The following EYS variants were observed in gnomAD, a reference collection of about 807,000 sequenced individuals.
EYS encodes the protein EGF-like photoreceptor maintenance factor, also known as protein eyes shut homolog.
EYS carries 250 observed loss-of-function variants against 282.1 expected under a neutral mutation model. That is an observed-to-expected ratio of 0.89 (90% CI 0.80 to 0.98). The LOEUF (loss-of-function observed/expected upper bound fraction) is 0.98, where lower values mean the gene tolerates loss of function less well. EYS is among the 50% of genes least tolerant of loss of function. EYS has a pLI of 0.00. For missense variants in EYS, 4,016 were observed against 3,709.0 expected, an observed-to-expected ratio of 1.08 and a Z score of -2.15; for synonymous variants, 1,355 against 1,282.9, an observed-to-expected ratio of 1.06 and a Z score of -1.20.
At chr6:65,480,073 G>A (rs982034366) in intron 5 of EYS, among the ~76,000 whole-genome samples, 28 of 152,176 alleles carry the variant, frequency 1.8e-4, no homozygotes, top group African/African-American at 6.3e-4. Context: ...GCTGAGGCAG[G>A]AGAATCGCTT....
At chr6:64,059,719 T>C (rs539579156) in intron 33 of EYS, among the ~76,000 whole-genome samples, 4 of 152,318 alleles carry the variant, frequency 2.6e-5, no homozygotes, top group African/African-American at 9.6e-5. Context: ...AAAGAAATTT[T>C]AGTTTTACAG....
At chr6:64,832,889 G>A (rs186147465) in intron 19 of EYS, among the ~76,000 whole-genome samples, 1 of 151,996 alleles carries the variant, frequency 6.6e-6, no homozygotes, top group Admixed American at 6.6e-5. Context: ...TGCAATCTAA[G>A]TATTTCAAAG....
At chr6:64,992,559 G>A (rs966141536) in intron 14 of EYS, among the ~76,000 whole-genome samples, 1 of 151,846 alleles carries the variant, frequency 6.6e-6, no homozygotes, top group Non-Finnish European at 1.5e-5. Context: ...TTTCAGGATG[G>A]ATTAATTTTG....
intron 31 of EYS, among the ~76,000 whole-genome samples, chr6:64,182,810 C>A (rs537384179): frequency 4.2e-4 from 64 of 152,216 alleles, no homozygotes; most frequent in African/African-American, 1.5e-3. Flanking sequence ...GCTGTGCCAC[C>A]AACTGGTACA....
intron 29 of EYS, among the ~76,000 whole-genome samples, chr6:64,375,161 GTTAA>G (rs1435232010): frequency 6.6e-6 from 1 of 152,134 alleles, no homozygotes; most frequent in Non-Finnish European, 1.5e-5. Flanking sequence ...AATATATTTT[GTTAA>G]TTAGTATATG....
chr6:64,881,321 ACTAAG>A (rs1766912035), intron 19 of EYS, among the ~76,000 whole-genome samples: 1 of 151,812 alleles, frequency 6.6e-6, no homozygotes, highest in Non-Finnish European at 1.5e-5. Context: ...GTGGCAGGAG[ACTAAG>A]TGCCGAATGA....
intron 22 of EYS, among the ~76,000 whole-genome samples, chr6:64,796,092 C>T (rs1248879962): frequency 1.3e-5 from 2 of 152,262 alleles, no homozygotes; most frequent in East Asian, 3.9e-4. Context: ...AATAAAAACG[C>T]GTACATCTGG....
chr6:64,051,463 A>G lies in EYS; in HGVS notation c.6725+14875T>C, dbSNP rs114874293. On this transcript the variant is annotated intron_variant, in intron 33 of 42. Coordinates refer to ENST00000503581, the MANE Select transcript of EYS (RefSeq NM_001142800.2). ...TCCCTAACATGTACAGGGTCTATCA[A>G]TGTAGAACGGAATAGGATGCTTCCT... 1.8e-3 allele frequency among the ~76,000 whole-genome samples: 279 copies of G among 152,264 alleles called. 1 individual carries two copies. Among genetic ancestry groups the G allele is most frequent in the African/African-American group, 6.5e-3 (269 of 41,572 alleles).
chr6:64,753,949 G>T (rs902733381), intron 22 of EYS, among the ~76,000 whole-genome samples: 41 of 152,020 alleles, frequency 2.7e-4, no homozygotes, highest in African/African-American at 9.6e-4. Context: ...ATTCCAAAAG[G>T]AACTCTGAAA....
intron 30 of EYS, among the ~76,000 whole-genome samples, chr6:64,235,498 A>G (rs1412323377): frequency 6.6e-6 from 1 of 152,168 alleles, no homozygotes; most frequent in Non-Finnish European, 1.5e-5. Context: ...ATTTGTGGAC[A>G]TTTGGGTTGG....
intron 2 of EYS, among the ~76,000 whole-genome samples, chr6:65,516,530 A>G (rs187647580): frequency 6.6e-6 from 1 of 152,242 alleles, no homozygotes; most frequent in East Asian, 1.9e-4. Flanking sequence ...AGGAGAAAAT[A>G]TAGGGAAATA....
chr6:64,047,525 AATTTT>A (rs1473209842), intron 33 of EYS, among the ~76,000 whole-genome samples: 2 of 152,234 alleles, frequency 1.3e-5, no homozygotes, highest in Non-Finnish European at 2.9e-5. Flanking sequence ...GTTTCATGTT[AATTTT>A]GAGTTAAATT....
chr6:64,272,559 T>A (rs1273731035), intron 30 of EYS, among the ~76,000 whole-genome samples: 1 of 152,216 alleles, frequency 6.6e-6, no homozygotes, highest in Admixed American at 6.5e-5. Context: ...TATGTAATTC[T>A]GGGTTGAAAA....
At chr6:64,350,363 T>G (rs1174028719) in intron 29 of EYS, among the ~76,000 whole-genome samples, 1 of 151,676 alleles carries the variant, frequency 6.6e-6, no homozygotes, top group Non-Finnish European at 1.5e-5. Flanking sequence ...TAATTCCGAA[T>G]GTTAAAATTA....
At chr6:64,606,659 A>G (rs921101955) in intron 24 of EYS, among the ~76,000 whole-genome samples, 3 of 152,062 alleles carry the variant, frequency 2.0e-5, no homozygotes, top group Non-Finnish European at 4.4e-5. Flanking sequence ...ATTTTCTACA[A>G]CATACTGTGG....
intron 22 of EYS, among the ~76,000 whole-genome samples, chr6:64,690,896 T>G (rs2149914478): frequency 6.6e-6 from 1 of 152,104 alleles, no homozygotes; most frequent in South Asian, 2.1e-4. Context: ...CATTAATGGG[T>G]GCAGCACACC....
At chr6:64,572,257 G>T (rs577664509) in intron 26 of EYS, among the ~76,000 whole-genome samples, 12 of 152,186 alleles carry the variant, frequency 7.9e-5, no homozygotes, top group African/African-American at 2.9e-4. Context: ...AATAAACTAG[G>T]TATTGATGGA....
At chr6:63,810,388 G>A (rs1771018533) in intron 36 of EYS, among the ~76,000 whole-genome samples, 1 of 146,956 alleles carries the variant, frequency 6.8e-6, no homozygotes. Context: ...TGGCTAAGAT[G>A]AACTATTGGA....
At chr6:64,213,183 C>A (rs1401751287) in intron 31 of EYS, among the ~76,000 whole-genome samples, 1 of 151,986 alleles carries the variant, frequency 6.6e-6, no homozygotes, top group Non-Finnish European at 1.5e-5. Flanking sequence ...CGCAAGTTTA[C>A]CTATGTAACA....
Sources: allele counts gnomAD v4.1 joint callset (sites outside exome capture counted in the v4.1 genomes callset), GRCh38; gene constraint gnomAD v4.1.1; transcripts MANE v1.5; gene names NCBI Gene and HGNC (gene_info 2026-07-23, HGNC 2026-07-21).